Variants in SZT2 observed in about 807,000 individuals in gnomAD.
The protein encoded by SZT2 is KICSTOR complex protein SZT2.
SZT2 carries 216 observed loss-of-function variants against 404.2 expected under a neutral mutation model. The ratio of observed to expected loss-of-function variants is 0.53; its 90% CI spans 0.48 to 0.60. SZT2 has a LOEUF of 0.60. Among genes scored for constraint, SZT2 ranks in the 20% least tolerant of loss-of-function variants. SZT2 has a pLI of 0.00. For synonymous variants in SZT2, 1,693 were observed against 1,749.9 expected, an observed-to-expected ratio of 0.97 and a Z score of 0.81; for missense variants, 3,857 against 4,459.2, an observed-to-expected ratio of 0.86 and a Z score of 3.85.
chr1:43,420,048 T>C lies in SZT2; in HGVS notation c.1090+104T>C. ...AAAGTGTAACTGGGGCTGGCTCTGC[T>C]GGCACTGTTACCTCACAGTCATTTC... On this transcript the variant is annotated intron_variant, in intron 8 of 71. Transcript: ENST00000634258. This position sits in a 1 kb window ranked among gnomAD's most constrained non-coding sequence, Gnocchi z 5.1. 1 of 1,564,246 alleles carries C rather than the reference T, an allele frequency of 6.4e-7. No individual in the cohort carries two copies. Among genetic ancestry groups the C allele is most frequent in the South Asian group, 1.2e-5 (1 of 86,774 alleles).
rs1320377925 is a variant in SZT2 at position 43,437,070 on chromosome 1, T to A, written c.6035-101T>A. 5 of 1,454,108 alleles carry A rather than the reference T, an allele frequency of 3.4e-6. No individual in the cohort carries two copies. The highest frequency in any genetic ancestry group is 3.8e-6 in the Non-Finnish European group (4 of 1,061,332). 90.1% of individuals were successfully genotyped at this position (1,454,108 alleles called of 1,614,324 possible). A position where few individuals can be genotyped will look rare whatever the true frequency, so the allele number is the denominator to read the frequency against. On this transcript the variant is annotated intron_variant, in intron 42 of 71. Coordinates refer to ENST00000634258, the MANE Select transcript of SZT2 (RefSeq NM_001365999.1). This position sits in a 1 kb window ranked among gnomAD's most constrained non-coding sequence, Gnocchi z 5.3. ...TTTCTCTGCAATAGTCAGGGATGAG[T>A]CTGGAGGAGTGAGGACAAGTAGGCC... is the stretch of plus-strand genomic sequence containing the variant.
At position 43,440,539 on chromosome 1, in the gene SZT2, G is replaced by A. The variant is rs1222976418; in HGVS notation, c.7297G>A (p.Val2433Met). The A allele has an allele frequency of 1.9e-6, 3 of 1,608,472 alleles. No individual in the cohort carries two copies. The highest frequency in any genetic ancestry group is 2.5e-6 in the Non-Finnish European group (3 of 1,177,474). The change falls in exon 52 of 72, where the codon GTG becomes ATG. Residue 2433 changes from valine (V) to methionine (M), a missense_variant. Transcript: ENST00000634258. ...CCCTGCCCCTGTCCCTGGGGAGCCT[G>A]TGACTCCACCCAGCAAAGCGGGCCG... Reference protein sequence around the residue: ...FPPAPVPGEPVTPPSKAGRRS... With the variant: ...FPPAPVPGEPMTPPSKAGRRS...
rs1236496259 is a variant in SZT2, at chr1:43,451,231, C to T, written c.*751C>T. 14 of 1,613,420 alleles carry T rather than the reference C, an allele frequency of 8.7e-6. No individual in the cohort carries two copies. Among genetic ancestry groups the T allele is most frequent in the South Asian group, 3.3e-5 (3 of 91,080 alleles). On this transcript the variant is annotated 3_prime_UTR_variant, in exon 72 of 72. Coordinates refer to ENST00000634258, the MANE Select transcript of SZT2 (RefSeq NM_001365999.1). Reference sequence around the variant, plus strand: ...TGTCTGGAGGCACGTGGGTGGTGTGCGGGCCCTCACTGGCCAGCCTCTGGG... The same window carrying T: ...TGTCTGGAGGCACGTGGGTGGTGTGTGGGCCCTCACTGGCCAGCCTCTGGG...
At position 43,420,943 on chromosome 1, in the gene SZT2, C is replaced by T; in HGVS notation, c.1456C>T (p.Arg486Cys). The T allele has an allele frequency of 1.3e-6, 2 of 1,598,426 alleles. No individual in the cohort carries two copies. Among genetic ancestry groups the T allele is most frequent in the East Asian group, 2.2e-5 (1 of 44,884 alleles). Residue 486 changes from arginine to cysteine, a missense_variant, in exon 10 of 72, where the codon CGT becomes TGT. Around this residue, in one of 7 missense-constraint regions of SZT2, gnomAD observed 536 missense variants for 637.4 expected, o/e 0.84. Coordinates refer to ENST00000634258, the MANE Select transcript of SZT2 (RefSeq NM_001365999.1). This position sits in a 1 kb window ranked among gnomAD's most constrained non-coding sequence, Gnocchi z 5.1. Reference sequence around the variant, plus strand: ...AAGGCAGCCCATTCGTTCATTGTATCGTACCCATGTTATCCGGCGTTTCTG... The same window carrying T: ...AAGGCAGCCCATTCGTTCATTGTATTGTACCCATGTTATCCGGCGTTTCTG... Reference protein sequence around the residue: ...ALRQPIRSLYRTHVIRRFWNT... With the variant: ...ALRQPIRSLYCTHVIRRFWNT...
At position 43,447,042 on chromosome 1, in the gene SZT2, G is replaced by T. The variant is rs565123375; in HGVS notation, c.9160G>T (p.Val3054Leu). 3 of 1,613,792 alleles carry T rather than the reference G, an allele frequency of 1.9e-6. No homozygotes were observed. Among genetic ancestry groups the T allele is most frequent in the African/African-American group, 2.7e-5 (2 of 74,924 alleles). Residue 3054 changes from valine (V) to leucine (L), a missense_variant, in exon 66 of 72, where the codon GTG becomes TTG. This residue lies in a region of SZT2 where 717 missense variants were observed against 868.2 expected (regional missense o/e 0.83). Coordinates refer to ENST00000634258, the MANE Select transcript of SZT2 (RefSeq NM_001365999.1). ...CAGCTATGACTTCCATCTGCGCCTC[G>T]TGCATCAGCACGTGCTAGGTGCCCA... ...SFSYDFHLRL[V>L]HQHVLGAHLV...
At chr1:43,447,436 C>T (rs1570738783) in intron 66 of SZT2, 109 bp from the exon 67 acceptor site, 1 of 1,431,662 alleles carries the variant, frequency 7.0e-7, no homozygotes, top group Non-Finnish European at 9.4e-7. Flanking sequence ...AAAGCAGACC[C>T]ACTCTGCCTG....
intron 1 of SZT2, among the ~76,000 whole-genome samples, chr1:43,402,697 G>C (rs1465644517): frequency 6.6e-6 from 1 of 152,148 alleles, no homozygotes; most frequent in Non-Finnish European, 1.5e-5. Context: ...ACAGAGGTTT[G>C]ATTTTGAGGT....
In SZT2 at chr1:43,433,141, C is replaced by T; in HGVS notation, c.5755C>T (p.Leu1919Phe). 1.2e-6 allele frequency: 2 copies of T among 1,614,134 alleles called. No homozygotes were observed. Among genetic ancestry groups the T allele is most frequent in the Non-Finnish European group, 1.7e-6 (2 of 1,180,038 alleles). The change falls in exon 40 of 72, where the codon CTC (leucine) becomes TTC (phenylalanine). Residue 1919 changes from leucine (L) to phenylalanine (F), a missense_variant. Physicochemically the swap from Leu to Phe is conservative, Grantham distance 22 (BLOSUM62 0). This residue lies in a region of SZT2 where 1,725 missense variants were observed against 1,881.0 expected (regional missense o/e 0.92). Transcript: ENST00000634258. Reference protein sequence around the residue: ...LPGPCLPDFWLIVRVLQDRVE... With the variant: ...LPGPCLPDFWFIVRVLQDRVE... ...TGGGCCCTGCCTGCCTGACTTCTGGCTCATTGTCCGGGTCCTGCAGGACCG... is the reference window on the plus strand; with the variant it reads ...TGGGCCCTGCCTGCCTGACTTCTGGTTCATTGTCCGGGTCCTGCAGGACCG...
chr1:43,443,821 C>T, intron 62 of SZT2, 25 bp downstream of exon 62: 1 of 1,612,132 alleles, frequency 6.2e-7, no homozygotes, highest in Non-Finnish European at 8.5e-7. Flanking sequence ...GTTTTCCCTT[C>T]TGTCTTCTCC....
rs1300666260 is a variant in SZT2 at position 43,448,197 on chromosome 1, T to A, written c.9682T>A (p.Ser3228Thr). 2 of 1,611,244 alleles carry A rather than the reference T, an allele frequency of 1.2e-6. No homozygotes were observed. The highest frequency in any genetic ancestry group is 3.3e-5 in the Admixed American group (2 of 59,824). ...CCCTGAGCCAGAGGCTCCTGGGAGT[T>A]CAGCTGGCAGCCCTGGGGAGGCCTC... ...LPPEPEAPGS[S>T]AGSPGEASGL... The change falls in exon 69 of 72, where the codon TCA (serine) becomes ACA (threonine). Residue 3228 changes from serine (S) to threonine (T), a missense_variant. Coordinates refer to ENST00000634258, the MANE Select transcript of SZT2 (RefSeq NM_001365999.1). The surrounding 1 kb of genome is among the most constrained non-coding windows in gnomAD (Gnocchi z 4.2).
At position 43,435,701 on chromosome 1, in the gene SZT2, ATAAAG is replaced by A. The variant is rs1388494351; in HGVS notation, c.6034+375_6034+379del. On this transcript the variant is annotated intron_variant, in intron 42 of 71. Coordinates refer to ENST00000634258, the MANE Select transcript of SZT2 (RefSeq NM_001365999.1). ...ATGGGGGCAAGGAAGGAGCTTTAAA[ATAAAG>A]TAGAGACTTGAGCTTGTTTATATTC... The A allele has an allele frequency of 5.4e-5, 10 of 185,416 alleles. No individual in the cohort carries two copies. The East Asian group carries it at 1.1e-3, about 20-fold the overall frequency. The allele number at this position is 185,416 out of a possible 1,614,324, so 11.5% of individuals were successfully genotyped here. A position where few individuals can be genotyped will look rare whatever the true frequency, so the allele number is the denominator to read the frequency against.
chr1:43,446,728 A>G, intron 65 of SZT2: 1 of 622,944 alleles, frequency 1.6e-6, no homozygotes, highest in East Asian at 2.8e-5. Flanking sequence ...AAAATGGCCC[A>G]GTTTCTGAAA....
At chr1:43,403,401 A>T in intron 2 of SZT2, 99 bp downstream of exon 2, 2 of 1,507,598 alleles carry the variant, frequency 1.3e-6, no homozygotes, top group South Asian at 1.3e-5. Flanking sequence ...CTAACTCTTA[A>T]GTCTGGTTAG....
intron 10 of SZT2, 39 bp from the exon 11 acceptor site, chr1:43,421,135 A>C (rs1411879722): frequency 1.3e-6 from 2 of 1,597,640 alleles, no homozygotes; most frequent in Admixed American, 3.3e-5. Flanking sequence ...TGCACCCAGC[A>C]GAGTCAGATA....
rs180773780 is a variant in SZT2 at position 43,399,718 on chromosome 1, C to T, written c.28-3459C>T. Among the ~76,000 whole-genome samples the T allele has an allele frequency of 3.4e-3, 521 of 152,014 alleles. 5 individuals carry two copies. Among genetic ancestry groups the T allele is most frequent in the Middle Eastern group, 3.4e-3 (1 of 292 alleles). On this transcript the variant is annotated intron_variant, in intron 1 of 71. Transcript: ENST00000634258. ...CCTCGTGAACCGCCTGCCTTGGCCT[C>T]CCAAAGTGCTGGGATTACAGACGTG...
intron 1 of SZT2, chr1:43,394,051 G>A: frequency 1.0e-6 from 1 of 984,222 alleles, no homozygotes; most frequent in Non-Finnish European, 1.2e-6. Flanking sequence ...TACTCTGAGA[G>A]TAATGAACTT....
In SZT2 at chr1:43,425,791, G is replaced by A; in HGVS notation, c.2815-44G>A. On this transcript the variant is annotated intron_variant, in intron 19 of 71. Coordinates refer to ENST00000634258, the MANE Select transcript of SZT2 (RefSeq NM_001365999.1). This position sits in a 1 kb window ranked among gnomAD's most constrained non-coding sequence, Gnocchi z 4.3. ...AAGAGCTGGAACCCAGGGTATCCTG[G>A]GCTAAGAGGGGTTGACTCCTGACCT... The A allele has an allele frequency of 6.2e-7, 1 of 1,603,598 alleles. No homozygotes were observed. The highest frequency in any genetic ancestry group is 8.5e-7 in the Non-Finnish European group (1 of 1,171,508).
At chr1:43,429,960 T>TCACC in intron 29 of SZT2, 51 bp from the exon 30 acceptor site, 1 of 1,612,930 alleles carries the variant, frequency 6.2e-7, no homozygotes, top group South Asian at 1.1e-5. Context: ...GGGAGTAGTA[T>TCACC]CCTGTTGAGG....
In SZT2 at chr1:43,419,944, G is replaced by A. The variant is rs1167297834; in HGVS notation, c.1090G>A (p.Gly364Ser). The A allele has an allele frequency of 3.1e-6, 5 of 1,598,156 alleles. No individual in the cohort carries two copies. The highest frequency in any genetic ancestry group is 4.2e-6 in the Non-Finnish European group (5 of 1,179,636). ...AGCACTGAACCCTGAATATTACTGC[G>A]GTGAGAGGCACACTGAGGTGGGTGT... Reference protein sequence around the residue: ...GEALNPEYYCGSQHRLFNEHL... With the variant: ...GEALNPEYYCSSQHRLFNEHL... The change falls in exon 8 of 72, where the codon GGC becomes AGC. Residue 364 changes from glycine to serine, a missense_variant and splice_region_variant. By Grantham distance (56) the Gly-to-Ser change is moderately conservative. This residue lies in a region of SZT2 where 536 missense variants were observed against 637.4 expected (regional missense o/e 0.84). Transcript: ENST00000634258.
Sources: gnomAD v4.1 joint callset for allele counts (sites outside exome capture counted in the v4.1 genomes callset) on GRCh38, gnomAD v4.1.1 for gene constraint, gnomAD v4.1.1 regional missense constraint, Gnocchi (gnomAD v3.1) non-coding constraint, MANE v1.5 for transcripts, NCBI Gene and HGNC (gene_info 2026-07-23, HGNC 2026-07-21) for gene names.